The following EYA3 variants were observed in gnomAD, a reference collection of about 807,000 sequenced individuals.
The protein encoded by EYA3 is EYA transcriptional coactivator and phosphatase 3.
In EYA3, 39 loss-of-function variants were observed where a neutral mutation model predicts 80.0. The ratio of observed to expected loss-of-function variants is 0.49; its 90% CI spans 0.38 to 0.64. The LOEUF (loss-of-function observed/expected upper bound fraction) is 0.64. Ranked by LOEUF, EYA3 falls within the 30% of genes least tolerant of loss-of-function variation. The pLI, the probability that EYA3 is intolerant of heterozygous loss-of-function variation, is 0.00. For synonymous variants in EYA3, 206 were observed against 232.8 expected (o/e 0.88, Z 1.05); for missense variants, 523 against 676.1 (o/e 0.77, Z 2.51).
At chr1:28,047,125 A>T (rs1344204713) in intron 3 of EYA3, among the ~76,000 whole-genome samples, 1 of 148,360 alleles carries the variant, frequency 6.7e-6, no homozygotes, top group Non-Finnish European at 1.5e-5. Context: ...GAGCCACCAC[A>T]CCTGGCCAGT....
chr1:28,014,094 T>C (rs190013496), intron 8 of EYA3, among the ~76,000 whole-genome samples: 119 of 152,032 alleles, frequency 7.8e-4, no homozygotes, highest in Non-Finnish European at 1.4e-3. Flanking sequence ...AACCTGATTA[T>C]CTACCTAAAA....
Position 28,071,901 on chromosome 1 carries a change from G to A in EYA3, c.-68-13807C>T, listed in dbSNP as rs1195488149. On this transcript the variant is annotated intron_variant, in intron 1 of 17. Transcript: ENST00000373871. ...GTAAAGTTGTTAATTCCAACTTCAA[G>A]CAACAAAGTAAATAAGGGTAAAATT... Among the ~76,000 whole-genome samples, 11 of 152,202 alleles carry A rather than the reference G, an allele frequency of 7.2e-5. No individual in the cohort carries two copies. In the East Asian group the frequency reaches 1.9e-3, roughly 27 times the overall value.
At chr1:28,082,085 T>G (rs2148957468) in intron 1 of EYA3, among the ~76,000 whole-genome samples, 1 of 152,174 alleles carries the variant, frequency 6.6e-6, no homozygotes, top group Admixed American at 6.5e-5. Flanking sequence ...AACAATACTT[T>G]CCCACCAAGT....
At chr1:27,991,328 T>C (rs1432385091) in intron 14 of EYA3, among the ~76,000 whole-genome samples, 2 of 152,162 alleles carry the variant, frequency 1.3e-5, no homozygotes, top group Non-Finnish European at 2.9e-5. Flanking sequence ...CAGAACATGT[T>C]GACATGAAAT....
At chr1:28,079,017 T>A (rs1645324782) in intron 1 of EYA3, among the ~76,000 whole-genome samples, 1 of 152,224 alleles carries the variant, frequency 6.6e-6, no homozygotes, top group Non-Finnish European at 1.5e-5. Flanking sequence ...TTAAGCCAAG[T>A]AATGAGAACA....
chr1:28,047,796 G>A (rs771518110), intron 3 of EYA3, among the ~76,000 whole-genome samples: 4 of 151,868 alleles, frequency 2.6e-5, no homozygotes, highest in Non-Finnish European at 4.4e-5. Flanking sequence ...CCGCCAACAC[G>A]CCCGGTTAAT....
intron 17 of EYA3, among the ~76,000 whole-genome samples, chr1:27,976,232 G>C (rs1638922696): frequency 6.6e-6 from 1 of 152,164 alleles, no homozygotes; most frequent in Non-Finnish European, 1.5e-5. Context: ...GTCTGAGGTG[G>C]GTGGATCACC....
In EYA3 at chr1:27,983,447, G is replaced by T. The variant is rs565076689; in HGVS notation, c.1541-4973C>A. ...ATTACATTGTTAGATTTAAGTTTTT[G>T]TCTATCTGATGGTTGGAGAATGTAC... On this transcript the variant is annotated intron_variant, in intron 16 of 17. Coordinates refer to ENST00000373871, the MANE Select transcript of EYA3 (RefSeq NM_001990.4). 3.3e-5 allele frequency among the ~76,000 whole-genome samples: 5 copies of T among 152,274 alleles called. No homozygotes were observed. The East Asian group carries it at 7.7e-4, about 23-fold the overall frequency.
chr1:28,010,997 G>C lies in EYA3; in HGVS notation c.859C>G (p.Arg287Gly), dbSNP rs368411818. 3 of 1,613,950 alleles carry C rather than the reference G, an allele frequency of 1.9e-6. No homozygotes were observed. Among genetic ancestry groups the C allele is most frequent in the Non-Finnish European group, 2.5e-6 (3 of 1,179,956 alleles). Residue 287 changes from arginine to glycine, a missense_variant, in exon 10 of 18, where the codon CGG becomes GGG. This residue lies in a region of EYA3 where 304 missense variants were observed against 343.3 expected (regional missense o/e 0.89). Coordinates refer to ENST00000373871, the MANE Select transcript of EYA3 (RefSeq NM_001990.4). ...QSRKNMTSKN[R>G]GKRKADATSS... ...GTGGCATCAGCTTTCCTCTTGCCCC[G>C]GTTCTTGCTAGTCATGTTTTTCCTG...
intron 5 of EYA3, 31 bp downstream of exon 5, chr1:28,038,808 T>C (rs779661601): frequency 7.5e-7 from 1 of 1,340,776 alleles, no homozygotes; most frequent in Non-Finnish European, 1.0e-6. Flanking sequence ...AGAAAAAGCA[T>C]ATGCATTTTG....
chr1:28,067,120 G>GTA (rs1644860638), intron 1 of EYA3, among the ~76,000 whole-genome samples: 1 of 152,182 alleles, frequency 6.6e-6, no homozygotes, highest in Non-Finnish European at 1.5e-5. Context: ...CCTGGATAAA[G>GTA]TATAAAAGAG....
rs184797807 is a variant in EYA3, at chr1:28,085,865, A to T, written c.-69+2659T>A. On this transcript the variant is annotated intron_variant, in intron 1 of 17. Coordinates refer to ENST00000373871, the MANE Select transcript of EYA3 (RefSeq NM_001990.4). ...ACAACTGCTCCAATGACTACACAGG[A>T]TGCTCATTTCATTTAATGGCTTCAA... 8.5e-4 allele frequency among the ~76,000 whole-genome samples: 130 copies of T among 152,310 alleles called. 2 individuals are homozygous for T. The highest frequency in any genetic ancestry group is 3.0e-3 in the African/African-American group (124 of 41,570).
rs539037659 is a variant in EYA3 at position 28,015,651 on chromosome 1, GA to G, written c.585+1502del. ...TTAGAGAATGAACAGGCACAAGGGG[GA>G]AAAAACTGGAAATAAAATGAGCAAT... is the stretch of plus-strand genomic sequence containing the variant. On this transcript the variant is annotated intron_variant, in intron 8 of 17. Coordinates refer to ENST00000373871, the MANE Select transcript of EYA3 (RefSeq NM_001990.4). 6.6e-5 allele frequency among the ~76,000 whole-genome samples: 10 copies of G among 152,196 alleles called. No individual in the cohort carries two copies. The East Asian group carries it at 1.2e-3, about 18-fold the overall frequency.
At chr1:28,042,919 A>G (rs1178225513) in intron 3 of EYA3, among the ~76,000 whole-genome samples, 2 of 151,894 alleles carry the variant, frequency 1.3e-5, no homozygotes, top group African/African-American at 4.8e-5. Flanking sequence ...ATCTCGGCTC[A>G]CTGCAACCTC....
At chr1:28,051,474 G>A (rs1252488553) in intron 2 of EYA3, among the ~76,000 whole-genome samples, 2 of 152,120 alleles carry the variant, frequency 1.3e-5, no homozygotes, top group African/African-American at 4.8e-5. Context: ...GATCACCTGA[G>A]GTCAGGAGTC....
intron 1 of EYA3, among the ~76,000 whole-genome samples, chr1:28,080,752 T>C (rs1399616326): frequency 6.6e-6 from 1 of 152,010 alleles, no homozygotes; most frequent in Non-Finnish European, 1.5e-5. Flanking sequence ...GGTTCTCTTT[T>C]TTGTTTGTTT....
At chr1:28,027,136 ACAAATTGCCTG>A in intron 7 of EYA3, among the ~76,000 whole-genome samples, 1 of 152,210 alleles carries the variant, frequency 6.6e-6, no homozygotes, top group East Asian at 1.9e-4. Flanking sequence ...TGAAGCAATG[ACAAATTGCCTG>A]CCCTGGATTT....
At position 28,061,801 on chromosome 1, in the gene EYA3, G is replaced by A. The variant is rs12141585; in HGVS notation, c.-68-3707C>T. ...TTTTTAGTAGAGACGCGGTTTCACC[G>A]TGTTAGCCAGGATGATCTCGATCTC... On this transcript the variant is annotated intron_variant, in intron 1 of 17. Transcript: ENST00000373871. Among the ~76,000 whole-genome samples, 1,392 of 152,036 alleles carry A rather than the reference G, an allele frequency of 9.2e-3. 10 individuals carry two copies. Among genetic ancestry groups the A allele is most frequent in the African/African-American group, 0.017 (694 of 41,456 alleles).
At chr1:28,073,127 A>ATATATATATATATATTTTTTTT (rs1553157671) in intron 1 of EYA3, among the ~76,000 whole-genome samples, 8 of 14,996 alleles carry the variant, frequency 5.3e-4, no homozygotes, top group Non-Finnish European at 7.9e-4. Context: ...ATATATATAT[A>ATATATATATATATATTTTTTTT]TTTTTTTTTT....
Sources: gnomAD v4.1 joint callset for allele counts (sites outside exome capture counted in the v4.1 genomes callset) on GRCh38, gnomAD v4.1.1 for gene constraint, gnomAD v4.1.1 regional missense constraint, MANE v1.5 for transcripts, NCBI Gene and HGNC (gene_info 2026-07-23, HGNC 2026-07-21) for gene names.